DMC1: variants seen among roughly 807,000 people sequenced by gnomAD.
DMC1 encodes the protein DNA meiotic recombinase 1, also known as meiotic recombination protein DMC1 homolog.
Under a neutral mutation model 50.1 loss-of-function variants are expected in DMC1, and 27 were observed. That is an observed-to-expected ratio of 0.54 (90% CI 0.40 to 0.74). The LOEUF (loss-of-function observed/expected upper bound fraction) is 0.74. Among genes scored for constraint, DMC1 ranks in the 30% least tolerant of loss-of-function variants. DMC1 has a pLI of 0.00. For missense variants in DMC1, 295 were observed against 420.2 expected, an observed-to-expected ratio of 0.70 and a Z score of 2.60; for synonymous variants, 148 against 136.1, an observed-to-expected ratio of 1.09 and a Z score of -0.61.
At chr22:38,561,490 A>T (rs1243523995) in intron 5 of DMC1, among the ~76,000 whole-genome samples, 1 of 152,178 alleles carries the variant, frequency 6.6e-6, no homozygotes, top group East Asian at 1.9e-4. Flanking sequence ...GAGAAAAAAG[A>T]TGTCAAGGAT....
intron 2 of DMC1, 113 bp downstream of exon 2, chr22:38,568,093 T>C (rs1209864213): frequency 4.2e-6 from 4 of 944,240 alleles, no homozygotes; most frequent in Non-Finnish European, 6.8e-6. Context: ...TTGCAATATA[T>C]AACTATGTGT....
At chr22:38,514,103 A>G (rs931739444), downstream of DMC1, among the ~76,000 whole-genome samples, 28 of 152,208 alleles carry the variant, frequency 1.8e-4, no homozygotes, top group African/African-American at 6.5e-4. Context: ...TGGATTTTTC[A>G]GTTTCGTGAG....
intron 5 of DMC1, 21 bp downstream of exon 5, chr22:38,562,266 A>G (rs1440525599): frequency 6.6e-7 from 1 of 1,509,908 alleles, no homozygotes; most frequent in Non-Finnish European, 9.2e-7. Context: ...CTTAGTGATT[A>G]TAAAAAAGTA....
At chr22:38,521,549 ACACAC>A (rs2090025149) in intron 13 of DMC1, 54 bp downstream of exon 13, 2 of 774,194 alleles carry the variant, frequency 2.6e-6, no homozygotes, top group Non-Finnish European at 4.3e-6. Context: ...ACACACACAC[ACACAC>A]ACACACACAC....
At chr22:38,549,678 G>T (rs1308805696) in intron 8 of DMC1, 3 of 442,948 alleles carry the variant, frequency 6.8e-6, no homozygotes, top group African/African-American at 2.0e-5. Flanking sequence ...GAAGTAAGAG[G>T]ATTAAAAATG....
rs145100262 is a variant in DMC1 at position 38,533,646 on chromosome 22, T to A, written c.836+3946A>T. 3.0e-3 allele frequency among the ~76,000 whole-genome samples: 464 copies of A among 152,256 alleles called. 4 individuals carry two copies. Among genetic ancestry groups the A allele is most frequent in the African/African-American group, 0.011 (440 of 41,552 alleles). On this transcript the variant is annotated intron_variant, in intron 12 of 13. Transcript: ENST00000216024. ...GTAATAGCACTTTGTATTGCAACCA[T>A]CAGAGTAATAATTAATTTACTCTAA...
chr22:38,514,337 C>T (rs1314369504), downstream of DMC1, among the ~76,000 whole-genome samples: 17 of 149,482 alleles, frequency 1.1e-4, no homozygotes, highest in East Asian at 2.0e-4. Context: ...CTCCACCTCC[C>T]GGGTTCAAGC....
chr22:38,551,014 G>A (rs1486404950), intron 7 of DMC1, among the ~76,000 whole-genome samples: 4 of 151,278 alleles, frequency 2.6e-5, no homozygotes, highest in African/African-American at 4.8e-5. Flanking sequence ...TAGGCCGAGT[G>A]GGCGGATCAT....
At chr22:38,553,719 G>T (rs575639970) in intron 6 of DMC1, among the ~76,000 whole-genome samples, 24 of 151,958 alleles carry the variant, frequency 1.6e-4, no homozygotes, top group Admixed American at 1.6e-3. Context: ...AGCACTTTGG[G>T]AGGCCGAGGC....
chr22:38,534,586 C>T (rs939053054), intron 12 of DMC1, among the ~76,000 whole-genome samples: 1 of 151,596 alleles, frequency 6.6e-6, no homozygotes, highest in Non-Finnish European at 1.5e-5. Flanking sequence ...GCCTGTAATC[C>T]CAGCTACTCG....
intron 7 of DMC1, among the ~76,000 whole-genome samples, chr22:38,552,086 C>T (rs2090419349): frequency 6.6e-6 from 1 of 151,918 alleles, no homozygotes; most frequent in Admixed American, 6.6e-5. Context: ...TGGTCTGGAT[C>T]TCCTGACCTT....
At chr22:38,539,537 T>A in intron 8 of DMC1, 125 bp from the exon 9 acceptor site, 1 of 762,812 alleles carries the variant, frequency 1.3e-6, no homozygotes, top group South Asian at 1.5e-5. Context: ...GAAGGTATTC[T>A]AGAGGATGCT....
Position 38,543,480 on chromosome 22 carries a change from C to T in DMC1, c.495-4068G>A, listed in dbSNP as rs574693799. Reference sequence around the variant, plus strand: ...TCCTGACCTCGTGATCCACCCACCTCGGCCTCCCAAAGTGCTGGGATTACA... The same window carrying T: ...TCCTGACCTCGTGATCCACCCACCTTGGCCTCCCAAAGTGCTGGGATTACA... On this transcript the variant is annotated intron_variant, in intron 8 of 13. Coordinates refer to ENST00000216024, the MANE Select transcript of DMC1 (RefSeq NM_007068.4). Among the ~76,000 whole-genome samples, 12 of 152,236 alleles carry T rather than the reference C, an allele frequency of 7.9e-5. No individual in the cohort carries two copies. The East Asian group carries it at 1.4e-3, about 17-fold the overall frequency.
chr22:38,549,513 ACTCG>A, intron 8 of DMC1: 1 of 172,936 alleles, frequency 5.8e-6, no homozygotes, highest in Non-Finnish European at 1.2e-5. Flanking sequence ...AATCCCAGCT[ACTCG>A]GTAGGCTGAG....
At chr22:38,552,557 C>T in intron 7 of DMC1, 109 bp downstream of exon 7, 1 of 875,676 alleles carries the variant, frequency 1.1e-6, no homozygotes, top group Non-Finnish European at 1.9e-6. Context: ...GTTTTAGTTT[C>T]CTTGCAAGTA....
In DMC1 at chr22:38,519,732, G is replaced by A. The variant is rs973658216; in HGVS notation, c.*288C>T. ...CCATAGGTATATATACATACACAGA[G>A]TGAGAGAATTTCAATAGGTATATAT... On this transcript the variant is annotated 3_prime_UTR_variant, in exon 14 of 14. Coordinates refer to ENST00000216024, the MANE Select transcript of DMC1 (RefSeq NM_007068.4). The A allele has an allele frequency of 2.6e-6, 1 of 381,652 alleles. No homozygotes were observed. Among genetic ancestry groups the A allele is most frequent in the Admixed American group, 3.7e-5 (1 of 27,230 alleles). 23.6% of individuals were successfully genotyped at this position (381,652 alleles called of 1,614,324 possible).
At chr22:38,563,624 C>T (rs557287178) in intron 4 of DMC1, among the ~76,000 whole-genome samples, 7 of 152,088 alleles carry the variant, frequency 4.6e-5, no homozygotes, top group African/African-American at 7.2e-5. Context: ...GAGGCTGAGG[C>T]GGGAGGACTG....
intron 12 of DMC1, among the ~76,000 whole-genome samples, chr22:38,529,810 A>G (rs1382732102): frequency 6.6e-6 from 1 of 152,140 alleles, no homozygotes; most frequent in Non-Finnish European, 1.5e-5. Flanking sequence ...CCTACCTTAA[A>G]TACTGCTTAG....
chr22:38,567,418 T>C (rs2090591088), intron 3 of DMC1, among the ~76,000 whole-genome samples, 165 bp downstream of exon 3: 1 of 152,194 alleles, frequency 6.6e-6, no homozygotes, highest in Admixed American at 6.5e-5. Flanking sequence ...GCAGGGGTGC[T>C]ACTGACATGC....
Sources: gnomAD v4.1 joint callset for allele counts (sites outside exome capture counted in the v4.1 genomes callset) on GRCh38, gnomAD v4.1.1 for gene constraint, MANE v1.5 for transcripts, NCBI Gene and HGNC (gene_info 2026-07-23, HGNC 2026-07-21) for gene names.